The following ZNF469 variants were observed in gnomAD, a reference collection of about 807,000 sequenced individuals.
ZNF469 encodes zinc finger protein 469.
A neutral mutation model predicts 1.0 loss-of-function variants in ZNF469; 1 was observed. The observed-to-expected ratio is 1.00, with a 90% CI of 0.35 to 4.73. ZNF469 has a LOEUF of 4.73. Ranked by LOEUF, ZNF469 falls within the 30% of genes most tolerant of loss-of-function variation. ZNF469 has a pLI of 0.16. For missense variants in ZNF469, 6,100 were observed against 5,356.3 expected, an observed-to-expected ratio of 1.14 and a Z score of -4.33; for synonymous variants, 2,703 against 2,363.4, an observed-to-expected ratio of 1.14 and a Z score of -4.17.
rs1354660974 is a variant in ZNF469 at position 88,405,694 on chromosome 16, C to G, written c.-191-19113C>G. On this transcript the variant is annotated intron_variant, in intron 1 of 2. Transcript: ENST00000565624. ...GGACCCTGTGGGTGCTCAGAGTACC[C>G]CCAGGAAGTGCACGTGGGTGTGCAG... Among the ~76,000 whole-genome samples the G allele has an allele frequency of 2.0e-5, 3 of 152,170 alleles. No individual in the cohort carries two copies. The East Asian group carries it at 5.8e-4, about 29-fold the overall frequency.
the ZNF469 span, among the ~76,000 whole-genome samples, chr16:88,341,771 AGGGGAGGATGGCT>A: frequency 1.1e-4 from 17 of 152,074 alleles, no homozygotes; most frequent in African/African-American, 3.6e-4. Context: ...AAGGGTGTGC[AGGGGAGGATGGCT>A]GGGGGCTGCC....
the ZNF469 span, among the ~76,000 whole-genome samples, chr16:88,155,305 C>T: frequency 6.6e-6 from 1 of 152,244 alleles, no homozygotes; most frequent in Non-Finnish European, 1.5e-5. Context: ...TGAATGACGG[C>T]TTTATTGAAG....
At chr16:88,383,717 C>T (rs2092531094) in intron 1 of ZNF469, among the ~76,000 whole-genome samples, 2 of 151,592 alleles carry the variant, frequency 1.3e-5, no homozygotes, top group Non-Finnish European at 2.9e-5. Context: ...CCGGGCCGCC[C>T]GCCCGGGCGT....
chr16:88,144,468 C>T, the ZNF469 span, among the ~76,000 whole-genome samples: 8 of 152,182 alleles, frequency 5.3e-5, no homozygotes, highest in Non-Finnish European at 1.0e-4. Context: ...GAGGACATCA[C>T]GTCCCTCCAG....
intron 1 of ZNF469, among the ~76,000 whole-genome samples, 200 bp downstream of exon 1, chr16:88,383,454 G>T (rs1004391094): frequency 6.7e-6 from 1 of 148,630 alleles, no homozygotes; most frequent in Middle Eastern, 3.2e-3. Context: ...CCTCCTCCCG[G>T]GCCCGGACGT....
chr16:88,438,019 C>G lies in ZNF469; in HGVS notation c.10549C>G (p.Pro3517Ala), dbSNP rs2142316054. ...ALLHLCSEVAPSTTKGWPETL... is the reference protein window; with the variant it reads ...ALLHLCSEVAASTTKGWPETL... ...GCTCCACCTGTGTTCGGAGGTGGCTCCCAGCACCACCAAGGGATGGCCCGA... is the reference window on the plus strand; with the variant it reads ...GCTCCACCTGTGTTCGGAGGTGGCTGCCAGCACCACCAAGGGATGGCCCGA... Residue 3517 changes from proline (P) to alanine (A), a missense_variant, in exon 3 of 3, where the codon CCC becomes GCC. Coordinates refer to ENST00000565624, the MANE Select transcript of ZNF469 (RefSeq NM_001367624.2). 1 of 1,549,858 alleles carries G rather than the reference C, an allele frequency of 6.5e-7. No homozygotes were observed. Among genetic ancestry groups the G allele is most frequent in the Non-Finnish European group, 8.7e-7 (1 of 1,146,928 alleles).
At chr16:88,409,567 G>A (rs1905090755) in intron 1 of ZNF469, among the ~76,000 whole-genome samples, 1 of 152,222 alleles carries the variant, frequency 6.6e-6, no homozygotes, top group South Asian at 2.1e-4. Context: ...GCCAGCCGGG[G>A]AGGGGTCCTG....
At position 88,383,009 on chromosome 16, in the gene ZNF469, G is replaced by T. The variant is rs1471068589; in HGVS notation, c.-437G>T. Among the ~76,000 whole-genome samples the T allele has an allele frequency of 6.6e-6, 1 of 151,894 alleles. No individual in the cohort carries two copies. Among genetic ancestry groups the T allele is most frequent in the Admixed American group, 6.6e-5 (1 of 15,250 alleles). On this transcript the variant is annotated 5_prime_UTR_variant, in exon 1 of 3. Transcript: ENST00000565624. ...CCGGCCTTCCCAGCACCCGGCCCAG[G>T]GCTGGAGCTGGCTGCAGGGCTGGCC...
At chr16:88,315,418 C>A in the ZNF469 span, among the ~76,000 whole-genome samples, 1 of 152,254 alleles carries the variant, frequency 6.6e-6, no homozygotes, top group African/African-American at 2.4e-5. Flanking sequence ...AGGCCACGCA[C>A]GCACACAACG....
At chr16:88,159,770 A>G in the ZNF469 span, among the ~76,000 whole-genome samples, 37,405 of 152,068 alleles carry the variant, frequency 0.25, 5,734 homozygotes, top group East Asian at 0.49. Context: ...TGTCGTCTTC[A>G]CAGACACATG....
the ZNF469 span, among the ~76,000 whole-genome samples, chr16:88,363,867 T>C: frequency 6.6e-6 from 1 of 152,232 alleles, no homozygotes; most frequent in South Asian, 2.1e-4. Flanking sequence ...AGTTGATAGT[T>C]ATTACCTGCA....
the ZNF469 span, among the ~76,000 whole-genome samples, chr16:88,181,248 T>C: frequency 6.6e-6 from 1 of 152,140 alleles, no homozygotes; most frequent in Non-Finnish European, 1.5e-5. Context: ...TTTTTTGTAT[T>C]TTCAGTAGAG....
At chr16:88,329,020 C>T in the ZNF469 span, among the ~76,000 whole-genome samples, 1 of 152,186 alleles carries the variant, frequency 6.6e-6, no homozygotes. Flanking sequence ...CAAAGAAAAC[C>T]CAGAGACCAC....
the ZNF469 span, among the ~76,000 whole-genome samples, chr16:88,160,567 G>T: frequency 6.6e-6 from 1 of 152,138 alleles, no homozygotes; most frequent in Non-Finnish European, 1.5e-5. Flanking sequence ...GGCCTGAGAG[G>T]AGCCACCAGC....
chr16:88,163,952 C>A, the ZNF469 span, among the ~76,000 whole-genome samples: 1 of 107,700 alleles, frequency 9.3e-6, no homozygotes, highest in African/African-American at 3.7e-5. Context: ...GGGTGGGTGG[C>A]TGGATGAGCG....
At chr16:88,101,026 A>G in the ZNF469 span, 1 of 234,774 alleles carries the variant, frequency 4.3e-6, no homozygotes, top group Non-Finnish European at 8.5e-6. Context: ...GCAGCCACAC[A>G]CCACAGGGGA....
At chr16:88,349,851 A>ACACAC in the ZNF469 span, among the ~76,000 whole-genome samples, 29 of 148,312 alleles carry the variant, frequency 2.0e-4, no homozygotes, top group Middle Eastern at 3.6e-3. Context: ...CACCACACAC[A>ACACAC]AGTGCACACA....
upstream of ZNF469, among the ~76,000 whole-genome samples, chr16:88,381,212 A>ACACAGACATGCACTCACACACGCACT (rs1425183209): frequency 6.9e-6 from 1 of 144,588 alleles, no homozygotes; most frequent in South Asian, 2.3e-4. Flanking sequence ...ACAGACACAC[A>ACACAGACATGCACTCACACACGCACT]CACAGACATG....
chr16:88,251,357 T>C, the ZNF469 span, among the ~76,000 whole-genome samples: 5 of 150,800 alleles, frequency 3.3e-5, no homozygotes, highest in East Asian at 1.9e-4. Context: ...GCATGTGTCA[T>C]GTCTACATGC....
Sources: gnomAD v4.1 joint callset for allele counts (sites outside exome capture counted in the v4.1 genomes callset) on GRCh38, gnomAD v4.1.1 for gene constraint, MANE v1.5 for transcripts, NCBI Gene and HGNC (gene_info 2026-07-23, HGNC 2026-07-21) for gene names.